The following MED12 variants were observed in gnomAD, a reference collection of about 807,000 sequenced individuals.
MED12 encodes the protein mediator complex subunit 12.
Under a neutral mutation model 177.7 loss-of-function variants are expected in MED12, and 10 were observed. The ratio of observed to expected loss-of-function variants is 0.06; its 90% CI spans 0.03 to 0.10. MED12 has a LOEUF of 0.10. Among genes scored for constraint, MED12 ranks in the 10% least tolerant of loss-of-function variants. The probability of loss-of-function intolerance (pLI) is 1.00; values close to 1 mark genes in which losing one functional copy is unlikely to be tolerated. For missense variants in MED12, 867 were observed against 1,780.8 expected, an observed-to-expected ratio of 0.49 and a Z score of 9.23; for synonymous variants, 641 against 678.4, an observed-to-expected ratio of 0.94 and a Z score of 0.86.
rs1211195670 is a variant in MED12 at position 71,136,342 on chromosome X, C to T, written c.5087C>T (p.Pro1696Leu). Residue 1696 changes from proline (P) to leucine (L), a missense_variant, in exon 37 of 45, where the codon CCG (proline) becomes CTG (leucine). Physicochemically the swap from Pro to Leu is moderately conservative, Grantham distance 98 (BLOSUM62 -3). This residue lies in a region of MED12 where 36 missense variants were observed against 141.5 expected (regional missense o/e 0.25). Coordinates refer to ENST00000374080, the MANE Select transcript of MED12 (RefSeq NM_005120.3). ...TGGGATCTTTTTGAGGGGTTGAAGCCGTCAGCACCACTCTCTTGGGGCTGG... is the reference window on the plus strand; with the variant it reads ...TGGGATCTTTTTGAGGGGTTGAAGCTGTCAGCACCACTCTCTTGGGGCTGG... The part of the protein sequence containing the change: ...SPWDLFEGLK[P>L]SAPLSWGWFG... 12 of 1,211,313 alleles carry T rather than the reference C, an allele frequency of 9.9e-6. No homozygotes were observed. The highest frequency in any genetic ancestry group is 3.0e-5 in the East Asian group (1 of 33,841).
chrX:71,140,844 A>T lies in MED12; in HGVS notation c.6254A>T (p.Gln2085Leu). The change falls in exon 42 of 45, where the codon CAG becomes CTG. Residue 2085 changes from glutamine to leucine, a missense_variant. Physicochemically the swap from Gln to Leu is moderately radical, Grantham distance 113. Around this residue, in one of 14 missense-constraint regions of MED12, gnomAD observed 236 missense variants for 345.2 expected, o/e 0.68. Coordinates refer to ENST00000374080, the MANE Select transcript of MED12 (RefSeq NM_005120.3). ...QQYHIRQQQQ[Q>L]QILRQQQQQQ... ...TACCACATCCGGCAGCAGCAGCAGC[A>T]GCAGATCCTGCGGGTAAGGCACTGG... is the stretch of plus-strand genomic sequence containing the variant. The T allele has an allele frequency of 8.3e-7, 1 of 1,207,312 alleles. No homozygotes were observed. The highest frequency in any genetic ancestry group is 1.8e-5 in the South Asian group (1 of 56,932).
In MED12 at chrX:71,121,649, G is replaced by C. The variant is rs377403264; in HGVS notation, c.934G>C (p.Val312Leu). 3.5e-4 allele frequency: 422 copies of C among 1,209,728 alleles called. No individual in the cohort carries two copies. The highest frequency in any genetic ancestry group is 4.6e-4 in the Non-Finnish European group (410 of 895,185). ...TRRLALQLDG[V>L]SSHSSHVISA... Reference sequence around the variant, plus strand: ...GAGACTGGCCCTGCAGCTGGATGGTGTGAGCAGTCACTCATCTCATGTTAT... The same window carrying C: ...GAGACTGGCCCTGCAGCTGGATGGTCTGAGCAGTCACTCATCTCATGTTAT... The change falls in exon 7 of 45, where the codon GTG (valine) becomes CTG (leucine). Residue 312 changes from valine to leucine, a missense_variant. Around this residue, in one of 14 missense-constraint regions of MED12, gnomAD observed 309 missense variants for 556.3 expected, o/e 0.56. Coordinates refer to ENST00000374080, the MANE Select transcript of MED12 (RefSeq NM_005120.3).
rs768889545 is a variant in MED12 at position 71,121,730 on chromosome X, A to G, written c.1015A>G (p.Ser339Gly). The G allele has an allele frequency of 8.3e-7, 1 of 1,211,214 alleles. No individual in the cohort carries two copies. ...CACCCCTGCTCCTCAGCCCCCAACTAGCAGCACACCCTCGACTCCCTTTAG... is the reference window on the plus strand; with the variant it reads ...CACCCCTGCTCCTCAGCCCCCAACTGGCAGCACACCCTCGACTCCCTTTAG... The part of the protein sequence containing the change: ...PTTPAPQPPT[S>G]STPSTPFSDL... Residue 339 changes from serine (S) to glycine (G), a missense_variant, in exon 7 of 45, where the codon AGC (serine) becomes GGC (glycine). Ser to Gly is a moderately conservative substitution (Grantham distance 56, BLOSUM62 0). Around this residue, in one of 14 missense-constraint regions of MED12, gnomAD observed 309 missense variants for 556.3 expected, o/e 0.56. Transcript: ENST00000374080.
Position 71,121,833 on chromosome X carries a change from C to A in MED12, c.1101+17C>A. On this transcript the variant is annotated intron_variant, in intron 7 of 44. Coordinates refer to ENST00000374080, the MANE Select transcript of MED12 (RefSeq NM_005120.3). ...ATCCTACAGGTAGGTACTAGGCGGG[C>A]CCAAGGAAGCATTGAGAGATAGCCT... 1.7e-6 allele frequency: 2 copies of A among 1,211,740 alleles called. No individual in the cohort carries two copies. Among genetic ancestry groups the A allele is most frequent in the Non-Finnish European group, 2.2e-6 (2 of 895,453 alleles).
Position 71,121,615 on chromosome X carries a change from C to T in MED12, c.900C>T (p.Phe300=). 8.3e-7 allele frequency: 1 copy of T among 1,211,961 alleles called. No individual in the cohort carries two copies. Among genetic ancestry groups the T allele is most frequent in the Non-Finnish European group, 1.1e-6 (1 of 895,563 alleles). Residue 300 remains phenylalanine (F), a synonymous_variant, in exon 7 of 45, where the codon TTC becomes TTT. Transcript: ENST00000374080. ...SAYLSRRLAY[F]CTRRLALQLD... The stretch of plus-strand genomic sequence containing the variant: ...ACCTGTCCCGCCGGCTTGCCTACTT[C>T]TGTACACGGAGACTGGCCCTGCAGC...
In MED12 at chrX:71,119,895, G is replaced by A. The variant is rs959711551; in HGVS notation, c.396+18G>A. The A allele has an allele frequency of 8.3e-7, 1 of 1,208,643 alleles. No individual in the cohort carries two copies. The highest frequency in any genetic ancestry group is 1.1e-6 in the Non-Finnish European group (1 of 894,118). On this transcript the variant is annotated intron_variant, in intron 3 of 44. Transcript: ENST00000374080. ...CCAAAAAGGTAAGGTACTGTTTCCT[G>A]TCCTTCAGGCCAAGGAGGGAGCATG... is the stretch of plus-strand genomic sequence containing the variant.
At chrX:71,135,542 C>T (rs193201263) in intron 36 of MED12, among the ~76,000 whole-genome samples, 1 of 111,377 alleles carries the variant, frequency 9.0e-6, no homozygotes, top group African/African-American at 3.3e-5. Context: ...TGCCCCATGT[C>T]CTACCCCACC....
intron 11 of MED12, 51 bp downstream of exon 11, chrX:71,123,277 C>G (rs1389287253): frequency 8.4e-7 from 1 of 1,192,445 alleles, no homozygotes; most frequent in East Asian, 3.0e-5. Context: ...AAGGAATTTA[C>G]TGCGGTTGGA....
chrX:71,133,657 T>C (rs369365625), intron 33 of MED12, among the ~76,000 whole-genome samples: 24 of 110,658 alleles, frequency 2.2e-4, no homozygotes, highest in African/African-American at 7.5e-4. Context: ...ATTAACCTTG[T>C]TCTCTGAAAG....
chrX:71,140,521 G>A, intron 41 of MED12, 114 bp from the exon 42 acceptor site: 1 of 1,183,457 alleles, frequency 8.4e-7, no homozygotes, highest in Non-Finnish European at 1.1e-6. Context: ...GTGACACGAG[G>A]AATGAATGAA....
intron 15 of MED12, 32 bp from the exon 16 acceptor site, chrX:71,125,319 T>C: frequency 8.3e-7 from 1 of 1,209,845 alleles, no homozygotes; most frequent in Non-Finnish European, 1.1e-6. Flanking sequence ...AGGAGATCGG[T>C]GCTGGAGTCT....
In MED12 at chrX:71,137,304, C is replaced by T. The variant is rs777912357; in HGVS notation, c.5669C>T (p.Pro1890Leu). Residue 1890 changes from proline (P) to leucine (L), a missense_variant, in exon 39 of 45, where the codon CCC becomes CTC. Pro to Leu is a moderately conservative substitution (Grantham distance 98). This residue lies in a region of MED12 where 236 missense variants were observed against 345.2 expected (regional missense o/e 0.68). Coordinates refer to ENST00000374080, the MANE Select transcript of MED12 (RefSeq NM_005120.3). ...TTMTGVMGLE[P>L]SSYKTSVYRQ... Reference sequence around the variant, plus strand: ...ATGACTGGCGTCATGGGTTTAGAACCCTCCTCTTATAAGACCTCTGTGTAC... The same window carrying T: ...ATGACTGGCGTCATGGGTTTAGAACTCTCCTCTTATAAGACCTCTGTGTAC... 2 of 1,211,848 alleles carry T rather than the reference C, an allele frequency of 1.7e-6. No individual in the cohort carries two copies. The highest frequency in any genetic ancestry group is 1.8e-5 in the South Asian group (1 of 57,006).
Position 71,134,483 on chromosome X carries a change from C to A in MED12, c.4727+17C>A, listed in dbSNP as rs748703121. On this transcript the variant is annotated intron_variant, in intron 34 of 44. Coordinates refer to ENST00000374080, the MANE Select transcript of MED12 (RefSeq NM_005120.3). ...GTCCAACAAGTAAAGCATCCCCACC[C>A]GCTCCCTGCAGTTTCATACCCAAGA... 1 of 1,035,640 alleles carries A rather than the reference C, an allele frequency of 9.7e-7. No homozygotes were observed. Among genetic ancestry groups the A allele is most frequent in the South Asian group, 2.0e-5 (1 of 50,103 alleles). The allele number at this position is 1,035,640 out of a possible 1,213,427, so 85.3% of individuals were successfully genotyped here. A position where few individuals can be genotyped will look rare whatever the true frequency, so the allele number is the denominator to read the frequency against.
intron 35 of MED12, 52 bp downstream of exon 35, chrX:71,134,900 A>G (rs774157558): frequency 8.3e-7 from 1 of 1,205,565 alleles, no homozygotes; most frequent in Non-Finnish European, 1.1e-6. Flanking sequence ...TCTGCTGTCC[A>G]GCCTCAGGAA....
chrX:71,125,464 G>A lies in MED12; in HGVS notation c.2340G>A (p.Lys780=), dbSNP rs1161593660. ...AGAAAATCACCAAGGATATCTTGAA[G>A]GTTCTGAACCGCAAAGGGACAGCAG... ...AIKKITKDIL[K]VLNRKGTAET... Residue 780 remains lysine (K), a synonymous_variant, in exon 16 of 45, where the codon AAG becomes AAA. Transcript: ENST00000374080. The A allele has an allele frequency of 3.3e-6, 4 of 1,211,114 alleles. No homozygotes were observed. In the South Asian group the frequency reaches 7.0e-5, roughly 21 times the overall value.
chrX:71,131,669 A>T, intron 29 of MED12, 48 bp downstream of exon 29: 1 of 1,151,784 alleles, frequency 8.7e-7, no homozygotes, highest in Non-Finnish European at 1.2e-6. Flanking sequence ...GTTCAGCTCC[A>T]TGTGTCAGGG....
intron 28 of MED12, among the ~76,000 whole-genome samples, chrX:71,131,173 G>A (rs1180389577): frequency 1.0e-5 from 1 of 96,468 alleles, no homozygotes; most frequent in Non-Finnish European, 2.0e-5. Flanking sequence ...TTGTCGCTCA[G>A]GCTGGAGTAC....
chrX:71,124,915 T>A (rs1318410210), intron 14 of MED12, 61 bp from the exon 15 acceptor site: 1 of 1,191,791 alleles, frequency 8.4e-7, no homozygotes. Context: ...TTTGGCATGT[T>A]TTTTTGCCCC....
chrX:71,119,943 C>G (rs1569480837), intron 3 of MED12, 66 bp downstream of exon 3: 2 of 1,205,882 alleles, frequency 1.7e-6, no homozygotes, highest in Admixed American at 4.3e-5. Context: ...CCCTCCTATT[C>G]CCATATTAAG....
Sources: allele counts gnomAD v4.1 joint callset (sites outside exome capture counted in the v4.1 genomes callset), GRCh38; gene constraint gnomAD v4.1.1; regional missense constraint gnomAD v4.1.1; transcripts MANE v1.5; gene names NCBI Gene and HGNC (gene_info 2026-07-23, HGNC 2026-07-21).